CDH8: variants seen among roughly 807,000 people sequenced by gnomAD.
CDH8 encodes cadherin 8.
CDH8 carries 17 observed loss-of-function variants against 68.1 expected under a neutral mutation model. The observed-to-expected ratio is 0.25, with a 90% confidence interval of 0.17 to 0.37. CDH8 has a LOEUF of 0.37. Among genes scored for constraint, CDH8 ranks in the 10% least tolerant of loss-of-function variants. The pLI is 1.00. For synonymous variants in CDH8, 372 were observed against 365.1 expected (o/e 1.02, Z -0.21); for missense variants, 763 against 999.3 (o/e 0.76, Z 3.19).
At chr16:61,922,325 A>C (rs1030572366) in intron 2 of CDH8, among the ~76,000 whole-genome samples, 1 of 152,146 alleles carries the variant, frequency 6.6e-6, no homozygotes, top group African/African-American at 2.4e-5. Flanking sequence ...TCACCTTCTA[A>C]AGATATTTTT....
intron 3 of CDH8, among the ~76,000 whole-genome samples, chr16:61,898,029 C>T (rs904431128): frequency 6.6e-6 from 1 of 151,970 alleles, no homozygotes; most frequent in Non-Finnish European, 1.5e-5. Context: ...GGGCCAGGCG[C>T]GGTGGTTCAC....
chr16:61,870,229 G>A (rs1171893319), intron 3 of CDH8, among the ~76,000 whole-genome samples: 1 of 152,156 alleles, frequency 6.6e-6, no homozygotes, highest in East Asian at 1.9e-4. Flanking sequence ...ACCAGACAGG[G>A]CATGCTGATG....
intron 10 of CDH8, among the ~76,000 whole-genome samples, chr16:61,713,449 T>C (rs527558274): frequency 6.6e-6 from 1 of 151,758 alleles, no homozygotes; most frequent in Non-Finnish European, 1.5e-5. Flanking sequence ...AAAATTAGAA[T>C]AGCTTTCCCT....
chr16:61,654,016 G>T lies in CDH8; in HGVS notation c.1992C>A (p.Ile664=). ...IKDDEDVREN[I]IRYDDEGGGE... ...CTCCTCCTTCATCATCGTAGCGAAT[G>T]ATGTTTTCTCGAACGTCTTCATCAT... The change falls in exon 12 of 12, where the codon ATC becomes ATA. Residue 664 remains isoleucine (I), a synonymous_variant. Coordinates refer to ENST00000577390, the MANE Select transcript of CDH8 (RefSeq NM_001796.5). 6.2e-7 allele frequency: 1 copy of T among 1,614,050 alleles called. No homozygotes were observed. Among genetic ancestry groups the T allele is most frequent in the Non-Finnish European group, 8.5e-7 (1 of 1,179,976 alleles).
intron 10 of CDH8, among the ~76,000 whole-genome samples, chr16:61,683,053 A>G (rs1286214958): frequency 1.3e-5 from 2 of 152,046 alleles, no homozygotes; most frequent in Non-Finnish European, 2.9e-5. Context: ...ATGAGTTTAG[A>G]ATTTTTAATA....
intron 2 of CDH8, among the ~76,000 whole-genome samples, chr16:62,010,698 G>A (rs571076104): frequency 6.6e-6 from 1 of 152,136 alleles, no homozygotes; most frequent in South Asian, 2.1e-4. Flanking sequence ...CAGCACTTTG[G>A]GAGGCCAAGA....
intron 11 of CDH8, among the ~76,000 whole-genome samples, chr16:61,655,010 CTT>C (rs1963410454): frequency 6.6e-6 from 1 of 152,136 alleles, no homozygotes. Flanking sequence ...TTGAAGAAAA[CTT>C]ATTTTTAGTT....
chr16:61,954,472 C>A (rs529287917), intron 2 of CDH8, among the ~76,000 whole-genome samples: 2 of 151,896 alleles, frequency 1.3e-5, no homozygotes, highest in Non-Finnish European at 2.9e-5. Flanking sequence ...GAGGCCGAGG[C>A]GGGTGGATCA....
intron 10 of CDH8, among the ~76,000 whole-genome samples, chr16:61,681,400 C>T (rs562361726): frequency 6.6e-6 from 1 of 151,860 alleles, no homozygotes; most frequent in African/African-American, 2.4e-5. Flanking sequence ...AAACTCACTA[C>T]TCTACATGAA....
chr16:61,747,464 A>G (rs1477119453), intron 8 of CDH8, among the ~76,000 whole-genome samples: 1 of 152,086 alleles, frequency 6.6e-6, no homozygotes, highest in East Asian at 1.9e-4. Context: ...ATGGAAAGTT[A>G]ATAAACTAAT....
chr16:61,988,984 G>A (rs563568578), intron 2 of CDH8, among the ~76,000 whole-genome samples: 3 of 152,198 alleles, frequency 2.0e-5, no homozygotes, highest in African/African-American at 7.2e-5. Context: ...GAGGGTCAGG[G>A]TACAGGCAAG....
chr16:61,907,901 G>C (rs981939331), intron 2 of CDH8, among the ~76,000 whole-genome samples: 3 of 151,950 alleles, frequency 2.0e-5, no homozygotes, highest in African/African-American at 7.3e-5. Flanking sequence ...AAATTAGCTG[G>C]TCATGGTGGC....
intron 2 of CDH8, among the ~76,000 whole-genome samples, chr16:61,941,772 T>C (rs1011131421): frequency 6.6e-6 from 1 of 152,188 alleles, no homozygotes; most frequent in Non-Finnish European, 1.5e-5. Flanking sequence ...TTTTGCTTTT[T>C]CCTGATTGCA....
At chr16:61,665,801 TTC>T (rs1567410646) in intron 10 of CDH8, among the ~76,000 whole-genome samples, 3 of 135,560 alleles carry the variant, frequency 2.2e-5, no homozygotes, top group African/African-American at 8.3e-5. Flanking sequence ...CCTTCCTTCC[TTC>T]CTTTCCCTCC....
intron 10 of CDH8, among the ~76,000 whole-genome samples, chr16:61,703,144 A>G (rs372530764): frequency 6.6e-6 from 1 of 152,214 alleles, no homozygotes; most frequent in African/African-American, 2.4e-5. Flanking sequence ...TGAAAAAACT[A>G]TTTCACAAGA....
At chr16:61,820,478 C>G (rs1256191235) in intron 6 of CDH8, among the ~76,000 whole-genome samples, 1 of 151,838 alleles carries the variant, frequency 6.6e-6, no homozygotes, top group African/African-American at 2.4e-5. Flanking sequence ...CTTGTCACCT[C>G]TGTGGGCAAC....
chr16:61,756,999 T>C (rs1960336266), intron 8 of CDH8, among the ~76,000 whole-genome samples: 2 of 152,246 alleles, frequency 1.3e-5, no homozygotes, highest in South Asian at 2.1e-4. Flanking sequence ...GATTAAAATA[T>C]CTTTGCAACA....
chr16:62,030,000 C>T (rs1244992752), intron 1 of CDH8, among the ~76,000 whole-genome samples: 1 of 152,174 alleles, frequency 6.6e-6, no homozygotes, highest in African/African-American at 2.4e-5. Flanking sequence ...ATGCAGCCAA[C>T]GATCCTAGTA....
chr16:61,702,117 A>C (rs1036982474), intron 10 of CDH8, among the ~76,000 whole-genome samples: 1 of 152,206 alleles, frequency 6.6e-6, no homozygotes, highest in African/African-American at 2.4e-5. Flanking sequence ...TCACTCCTGT[A>C]ATCTCAGCAG....
Sources: gnomAD v4.1 joint callset for allele counts (sites outside exome capture counted in the v4.1 genomes callset) on GRCh38, gnomAD v4.1.1 for gene constraint, MANE v1.5 for transcripts, NCBI Gene and HGNC (gene_info 2026-07-23, HGNC 2026-07-21) for gene names.